The following ST3GAL2 variants were observed in gnomAD, a reference collection of about 807,000 sequenced individuals.
ST3GAL2 encodes CMP-N-acetylneuraminate-beta-galactosamide-alpha-2,3-sialyltransferase 2.
A neutral mutation model predicts 37.5 loss-of-function variants in ST3GAL2; 16 were observed. The observed-to-expected ratio is 0.43, with a 90% confidence interval of 0.29 to 0.65. The LOEUF is 0.65. ST3GAL2 is among the 30% of genes least tolerant of loss of function. The pLI, the probability that ST3GAL2 is intolerant of heterozygous loss-of-function variation, is 0.17. For missense variants in ST3GAL2, 383 were observed against 487.8 expected (o/e 0.79, Z 2.02); for synonymous variants, 238 against 202.9 (o/e 1.17, Z -1.47).
intron 1 of ST3GAL2, among the ~76,000 whole-genome samples, chr16:70,405,335 A>C (rs2047582467): frequency 6.6e-6 from 1 of 151,882 alleles, no homozygotes; most frequent in South Asian, 2.1e-4. Flanking sequence ...AGGTCAGGAG[A>C]TCGAGACCAT....
intron 1 of ST3GAL2, among the ~76,000 whole-genome samples, chr16:70,405,178 A>C (rs1269159473): frequency 6.6e-6 from 1 of 152,198 alleles, no homozygotes; most frequent in African/African-American, 2.4e-5. Flanking sequence ...TATTATTCAG[A>C]TATAAAAAGG....
chr16:70,381,475 T>C lies in ST3GAL2; in HGVS notation c.*214A>G. The C allele has an allele frequency of 3.3e-6, 2 of 608,992 alleles. No individual in the cohort carries two copies. Among genetic ancestry groups the C allele is most frequent in the Non-Finnish European group, 5.7e-6 (2 of 353,688 alleles). The allele number at this position is 608,992 out of a possible 1,614,324, so 37.7% of individuals were successfully genotyped here. Reference sequence around the variant, plus strand: ...TGGACACAGCGCCGGAAGTTTTCCTTGAGTCACATGATTGGCTGGGAGAAA... The same window carrying C: ...TGGACACAGCGCCGGAAGTTTTCCTCGAGTCACATGATTGGCTGGGAGAAA... On this transcript the variant is annotated 3_prime_UTR_variant, in exon 7 of 7. Transcript: ENST00000342907.
chr16:70,411,387 A>T (rs966116720), intron 1 of ST3GAL2, among the ~76,000 whole-genome samples: 8 of 151,508 alleles, frequency 5.3e-5, no homozygotes, highest in Admixed American at 1.3e-4. Flanking sequence ...TAAAAAATAA[A>T]AAAAAAAAAA....
At chr16:70,434,911 T>C (rs2047814934) in intron 1 of ST3GAL2, among the ~76,000 whole-genome samples, 2 of 152,262 alleles carry the variant, frequency 1.3e-5, no homozygotes, top group Non-Finnish European at 2.9e-5. Context: ...AAAACAACAG[T>C]TGGAAAATGC....
chr16:70,413,049 G>A lies in ST3GAL2; in HGVS notation c.-1003-13516C>T, dbSNP rs574340944. 8.6e-5 allele frequency among the ~76,000 whole-genome samples: 13 copies of A among 152,040 alleles called. No individual in the cohort carries two copies. The South Asian group carries it at 2.1e-3, about 24-fold the overall frequency. ...GGATCAGCTGAGGTCAGGAGTTCACGACCAGCCTGGCCAACATGGTGAAAC... is the reference window on the plus strand; with the variant it reads ...GGATCAGCTGAGGTCAGGAGTTCACAACCAGCCTGGCCAACATGGTGAAAC... On this transcript the variant is annotated intron_variant, in intron 1 of 6. Coordinates refer to ENST00000342907, the MANE Select transcript of ST3GAL2 (RefSeq NM_006927.4).
chr16:70,395,374 G>A (rs182822712), intron 2 of ST3GAL2, among the ~76,000 whole-genome samples, 199 bp from the exon 3 acceptor site: 7 of 152,364 alleles, frequency 4.6e-5, no homozygotes, highest in East Asian at 1.9e-4. Flanking sequence ...CAAAGTCCCC[G>A]GTTGTGAGTG....
In ST3GAL2 at chr16:70,401,547, A is replaced by G. The variant is rs577328685; in HGVS notation, c.-1003-2014T>C. ...CTAAAAAAAAAATCAAAGGCCCCCA[A>G]ACATGCACTAAAAATCCCAAAAATG... On this transcript the variant is annotated intron_variant, in intron 1 of 6. Transcript: ENST00000342907. Among the ~76,000 whole-genome samples the G allele has an allele frequency of 1.2e-4, 19 of 152,282 alleles. No individual in the cohort carries two copies. The South Asian group carries it at 3.9e-3, about 32-fold the overall frequency.
intron 1 of ST3GAL2, among the ~76,000 whole-genome samples, chr16:70,431,986 T>TATA (rs5817697): frequency 2.2e-5 from 3 of 133,746 alleles, no homozygotes; most frequent in African/African-American, 1.1e-4. Flanking sequence ...TATATATATA[T>TATA]TTTTTTTTAA....
chr16:70,378,971 C>G lies in ST3GAL2; in HGVS notation c.*2718G>C, dbSNP rs1042736998. The G allele has an allele frequency of 2.6e-5, 4 of 152,188 alleles. No homozygotes were observed. The highest frequency in any genetic ancestry group is 9.7e-5 in the African/African-American group (4 of 41,426). 9.4% of individuals were successfully genotyped at this position (152,188 alleles called of 1,614,324 possible). A position where few individuals can be genotyped will look rare whatever the true frequency, so the allele number is the denominator to read the frequency against. On this transcript the variant is annotated 3_prime_UTR_variant, in exon 7 of 7. Coordinates refer to ENST00000342907, the MANE Select transcript of ST3GAL2 (RefSeq NM_006927.4). ...CGACATCGGGCCATTGCACTCCAGCCTGGGTAACAGAACAAGACTCTGTCT... is the reference window on the plus strand; with the variant it reads ...CGACATCGGGCCATTGCACTCCAGCGTGGGTAACAGAACAAGACTCTGTCT...
At chr16:70,411,779 G>T (rs1230197207) in intron 1 of ST3GAL2, among the ~76,000 whole-genome samples, 1 of 152,168 alleles carries the variant, frequency 6.6e-6, no homozygotes, top group Admixed American at 6.6e-5. Flanking sequence ...CGGATCACCT[G>T]AGGTTGGGAG....
chr16:70,411,981 C>G (rs989991129), intron 1 of ST3GAL2, among the ~76,000 whole-genome samples: 1 of 149,240 alleles, frequency 6.7e-6, no homozygotes, highest in Non-Finnish European at 1.5e-5. Context: ...GCAACAAGAG[C>G]GAAACTCCGT....
intron 1 of ST3GAL2, among the ~76,000 whole-genome samples, chr16:70,420,558 C>T (rs552224962): frequency 6.6e-6 from 1 of 152,234 alleles, no homozygotes; most frequent in African/African-American, 2.4e-5. Context: ...GAGAGCCTGG[C>T]GAAAGGGCCT....
intron 1 of ST3GAL2, among the ~76,000 whole-genome samples, chr16:70,431,985 A>ATATATATATTTTT (rs1454729972): frequency 0.018 from 2,527 of 138,888 alleles, 98 homozygotes; most frequent in African/African-American, 0.076. Flanking sequence ...ATATATATAT[A>ATATATATATTTTT]TTTTTTTTTA....
In ST3GAL2 at chr16:70,380,426, C is replaced by T. The variant is rs181928881; in HGVS notation, c.*1263G>A. ...TGAGAGCTTCACAGAAGCCTTCCCC[C>T]TCCTAAACCTCCCCAGCTTCGAAGG... On this transcript the variant is annotated 3_prime_UTR_variant, in exon 7 of 7. Coordinates refer to ENST00000342907, the MANE Select transcript of ST3GAL2 (RefSeq NM_006927.4). 27 of 152,416 alleles carry T rather than the reference C, an allele frequency of 1.8e-4. No homozygotes were observed. The East Asian group carries it at 5.2e-3, about 29-fold the overall frequency. The allele number at this position is 152,416 out of a possible 1,614,324, so 9.4% of individuals were successfully genotyped here.
chr16:70,410,407 T>G (rs188325775), intron 1 of ST3GAL2, among the ~76,000 whole-genome samples: 5 of 151,324 alleles, frequency 3.3e-5, no homozygotes, highest in Non-Finnish European at 7.4e-5. Context: ...CCCACCACCA[T>G]GCCCGGCTAA....
chr16:70,412,412 G>A (rs1419191125), intron 1 of ST3GAL2, among the ~76,000 whole-genome samples: 1 of 151,932 alleles, frequency 6.6e-6, no homozygotes, highest in Non-Finnish European at 1.5e-5. Context: ...GGGAGACCAC[G>A]GTGGGCAGGT....
At chr16:70,394,864 A>C in intron 3 of ST3GAL2, 118 bp downstream of exon 3, 4 of 1,140,270 alleles carry the variant, frequency 3.5e-6, no homozygotes, top group Non-Finnish European at 3.8e-6. Context: ...TCTGGGAGGC[A>C]GGGCCCCACA....
chr16:70,391,238 T>C (rs758550354), intron 3 of ST3GAL2, among the ~76,000 whole-genome samples: 2 of 151,966 alleles, frequency 1.3e-5, no homozygotes, highest in Non-Finnish European at 2.9e-5. Context: ...GTCTGGAGGG[T>C]GCTTTGGGGT....
chr16:70,421,971 T>A (rs2151675542), intron 1 of ST3GAL2, among the ~76,000 whole-genome samples: 1 of 152,336 alleles, frequency 6.6e-6, no homozygotes, highest in Non-Finnish European at 1.5e-5. Flanking sequence ...GATCTTGCTA[T>A]GCTGCCCAGG....
Sources: allele counts gnomAD v4.1 joint callset (sites outside exome capture counted in the v4.1 genomes callset), GRCh38; gene constraint gnomAD v4.1.1; transcripts MANE v1.5; gene names NCBI Gene and HGNC (gene_info 2026-07-23, HGNC 2026-07-21).